Variants in UNKL observed in about 807,000 individuals in gnomAD.
UNKL encodes putative E3 ubiquitin-protein ligase UNKL.
UNKL carries 60 observed loss-of-function variants against 78.0 expected under a neutral mutation model. That is an observed-to-expected ratio of 0.77 (90% CI 0.63 to 0.95). The LOEUF is 0.95. Among genes scored for constraint, UNKL ranks in the 40% least tolerant of loss-of-function variants. The pLI is 0.00. For missense variants in UNKL, 1,159 were observed against 1,045.7 expected, an observed-to-expected ratio of 1.11 and a Z score of -1.49; for synonymous variants, 608 against 474.8, an observed-to-expected ratio of 1.28 and a Z score of -3.65.
chr16:1,398,681 A>AGCCCCCCCCCCCCCC, intron 5 of UNKL: 1 of 694,470 alleles, frequency 1.4e-6, no homozygotes, highest in Non-Finnish European at 1.9e-6. Context: ...TGGGGTCTGC[A>AGCCCCCCCCCCCCCC]CCCCCCCACC....
intron 2 of UNKL, among the ~76,000 whole-genome samples, chr16:1,413,298 G>A (rs1440151366): frequency 2.1e-5 from 3 of 143,302 alleles, no homozygotes; most frequent in Non-Finnish European, 4.5e-5. Flanking sequence ...GCCGGGTACG[G>A]TGGCTCATGC....
At position 1,385,256 on chromosome 16, in the gene UNKL, G is replaced by C. The variant is rs901832537; in HGVS notation, c.1216C>G (p.Arg406Gly). ...SPTALPAPPA[R>G]ALPLGPASST... ...CTGGCGGGGCCGAGCGGGAGGGCAC[G>C]GGCGGGGGGCGCGGGCAGCGCAGTG... The change falls in exon 10 of 15, where the codon CGT (arginine) becomes GGT (glycine). Residue 406 changes from arginine (R) to glycine (G), a missense_variant. Coordinates refer to ENST00000389221, the MANE Select transcript of UNKL (RefSeq NM_001372107.1). 1.4e-4 allele frequency: 188 copies of C among 1,323,976 alleles called. No individual in the cohort carries two copies. The highest frequency in any genetic ancestry group is 1.7e-4 in the Non-Finnish European group (177 of 1,040,658). The allele number at this position is 1,323,976 out of a possible 1,614,324, so 82.0% of individuals were successfully genotyped here.
chr16:1,406,207 C>G (rs2037755620), intron 2 of UNKL: 1 of 317,940 alleles, frequency 3.1e-6, no homozygotes, highest in Non-Finnish European at 6.0e-6. Context: ...CCATGCCGGG[C>G]TATATTGCTA....
At chr16:1,394,077 C>G in intron 7 of UNKL, 54 bp downstream of exon 7, 1 of 1,526,150 alleles carries the variant, frequency 6.6e-7, no homozygotes. Flanking sequence ...CAGTGAGGGC[C>G]TGCAGAGCCG....
chr16:1,381,394 C>T (rs1337563906), intron 10 of UNKL, among the ~76,000 whole-genome samples: 24 of 152,164 alleles, frequency 1.6e-4, no homozygotes, highest in African/African-American at 5.3e-4. Flanking sequence ...CTGAGGTGGG[C>T]GGATCACCTG....
chr16:1,385,126 G>A, intron 10 of UNKL, 82 bp downstream of exon 10: 2 of 1,081,376 alleles, frequency 1.8e-6, no homozygotes, highest in Non-Finnish European at 2.4e-6. Context: ...AACATGTCCT[G>A]AAATAGAAGC....
At chr16:1,397,058 G>A (rs1361695160) in intron 6 of UNKL, 120 bp downstream of exon 6, 3 of 1,122,238 alleles carry the variant, frequency 2.7e-6, no homozygotes, top group Admixed American at 4.1e-5. Flanking sequence ...TTCCCGACCT[G>A]TGCCAGCCCT....
chr16:1,384,463 T>G (rs1433484074), intron 10 of UNKL, among the ~76,000 whole-genome samples: 1 of 152,050 alleles, frequency 6.6e-6, no homozygotes, highest in Non-Finnish European at 1.5e-5. Flanking sequence ...CAGTGCCCAG[T>G]GACTCCCTCC....
chr16:1,403,075 G>A lies in UNKL; in HGVS notation c.464+93C>T, dbSNP rs183275151. On this transcript the variant is annotated intron_variant, in intron 3 of 14. Coordinates refer to ENST00000389221, the MANE Select transcript of UNKL (RefSeq NM_001372107.1). The surrounding 1 kb of genome is among the most constrained non-coding windows in gnomAD (Gnocchi z 4.8). ...ATTTGGGCCAGCAGAGCCTGCAGCA[G>A]CAGGGAGGCGAGCCACTTGCCGAGT... 171 of 1,407,158 alleles carry A rather than the reference G, an allele frequency of 1.2e-4. 2 individuals are homozygous for A. In the East Asian group the frequency reaches 4.1e-3, roughly 34 times the overall value. The allele number at this position is 1,407,158 out of a possible 1,614,324, so 87.2% of individuals were successfully genotyped here. A position where few individuals can be genotyped will look rare whatever the true frequency, so the allele number is the denominator to read the frequency against.
Position 1,399,407 on chromosome 16 carries a change from T to C in UNKL, c.701A>G (p.Asp234Gly). 6.2e-7 allele frequency: 1 copy of C among 1,604,314 alleles called. No individual in the cohort carries two copies. Among genetic ancestry groups the C allele is most frequent in the Non-Finnish European group, 8.5e-7 (1 of 1,175,606 alleles). The change falls in exon 5 of 15, where the codon GAC becomes GGC. Residue 234 changes from aspartate (D) to glycine (G), a missense_variant. Physicochemically the swap from Asp to Gly is moderately conservative, Grantham distance 94. Coordinates refer to ENST00000389221, the MANE Select transcript of UNKL (RefSeq NM_001372107.1). This position sits in a 1 kb window ranked among gnomAD's most constrained non-coding sequence, Gnocchi z 5.8. ...GAACCGCCGGGGGTTGCGCCGCCTG[T>C]CCCGGCTATTGTGGTAGTGTGGGCA... ...YACPHYHNSR[D>G]RRRNPRRFQY...
At chr16:1,393,926 G>A (rs990140037) in intron 7 of UNKL, among the ~76,000 whole-genome samples, 3 of 152,210 alleles carry the variant, frequency 2.0e-5, no homozygotes, top group African/African-American at 7.2e-5. Context: ...ACGCCGGCGT[G>A]GAGGGAGCCC....
At position 1,367,259 on chromosome 16, in the gene UNKL, CCTT is replaced by C. The variant is rs766250905; in HGVS notation, c.1876_1878del (p.Lys626del). On this transcript the variant is annotated inframe_deletion, in exon 14 of 15. Transcript: ENST00000389221. ...TGCTTCACCTGTGCCTCCACCTCCT[CCTT>C]CTTCTGCAGCGCCAGCTGCCGGTCG... The C allele has an allele frequency of 6.9e-6, 11 of 1,585,256 alleles. No individual in the cohort carries two copies. Among genetic ancestry groups the C allele is most frequent in the Non-Finnish European group, 8.5e-6 (10 of 1,169,820 alleles).
In UNKL at chr16:1,399,307, C is replaced by A; in HGVS notation, c.734+67G>T. On this transcript the variant is annotated intron_variant, in intron 5 of 14. Coordinates refer to ENST00000389221, the MANE Select transcript of UNKL (RefSeq NM_001372107.1). This position sits in a 1 kb window ranked among gnomAD's most constrained non-coding sequence, Gnocchi z 5.8. The stretch of plus-strand genomic sequence containing the variant: ...CCCATTAGAACCCCGGGGTGGGCAA[C>A]GCGAGCCACGGGCCGGGAAGGACGC... 2.1e-6 allele frequency: 3 copies of A among 1,459,634 alleles called. No homozygotes were observed. The South Asian group carries it at 4.2e-5, about 21-fold the overall frequency. The allele number at this position is 1,459,634 out of a possible 1,614,324, so 90.4% of individuals were successfully genotyped here. A position where few individuals can be genotyped will look rare whatever the true frequency, so the allele number is the denominator to read the frequency against.
chr16:1,398,588 T>G (rs1596742489), intron 5 of UNKL: 2 of 1,410,750 alleles, frequency 1.4e-6, no homozygotes, highest in Non-Finnish European at 1.8e-6. Context: ...GAGGCGAGGG[T>G]GGCTCTCTGC....
At chr16:1,367,503 TC>T (rs1274202555) in intron 13 of UNKL, among the ~76,000 whole-genome samples, 152 bp downstream of exon 13, 13 of 7,464 alleles carry the variant, frequency 1.7e-3, no homozygotes, top group Non-Finnish European at 3.2e-3. Flanking sequence ...CCTCCCTCCC[TC>T]CCTCCCTCCC....
At chr16:1,401,528 C>A (rs769640052) in intron 4 of UNKL, 40 bp downstream of exon 4, 22 of 1,438,074 alleles carry the variant, frequency 1.5e-5, no homozygotes, top group South Asian at 1.5e-4. Context: ...GCTGTGCCCG[C>A]CCCCCCCACC....
rs1436471014 is a variant in UNKL at position 1,365,462 on chromosome 16, C to G, written c.*778G>C. 1 of 152,462 alleles carries G rather than the reference C, an allele frequency of 6.6e-6. No individual in the cohort carries two copies. The highest frequency in any genetic ancestry group is 1.5e-5 in the Non-Finnish European group (1 of 68,044). 9.4% of individuals were successfully genotyped at this position (152,462 alleles called of 1,614,324 possible). The stretch of plus-strand genomic sequence containing the variant: ...GCACAGAAACAGCGGCCACGGACCA[C>G]AGAAATGCAGGACGGAGCTCTCCTG... On this transcript the variant is annotated 3_prime_UTR_variant, in exon 15 of 15. Transcript: ENST00000389221.
At chr16:1,398,744 A>G in intron 5 of UNKL, 1 of 1,291,422 alleles carries the variant, frequency 7.7e-7, no homozygotes, top group Non-Finnish European at 1.0e-6. Flanking sequence ...AGGCACAACC[A>G]GAAGGCCGGG....
At chr16:1,390,736 G>A (rs1445429330) in intron 8 of UNKL, 42 bp from the exon 9 acceptor site, 35 of 1,532,888 alleles carry the variant, frequency 2.3e-5, no homozygotes, top group African/African-American at 6.8e-5. Flanking sequence ...AAGCAGGGAG[G>A]AAATGTAAAT....
Sources: allele counts gnomAD v4.1 joint callset (sites outside exome capture counted in the v4.1 genomes callset), GRCh38; gene constraint gnomAD v4.1.1; non-coding constraint Gnocchi (gnomAD v3.1); transcripts MANE v1.5; gene names NCBI Gene and HGNC (gene_info 2026-07-23, HGNC 2026-07-21).